Variants in SRD5A3 observed in about 807,000 individuals in gnomAD.
SRD5A3 encodes the protein steroid 5 alpha-reductase 3, also known as polyprenal reductase.
Under a neutral mutation model 34.3 loss-of-function variants are expected in SRD5A3, and 24 were observed. The observed-to-expected ratio is 0.70, with a 90% CI of 0.51 to 0.99. The LOEUF is 0.99. Among genes scored for constraint, SRD5A3 ranks in the 50% least tolerant of loss-of-function variants. The pLI, the probability that SRD5A3 is intolerant of heterozygous loss-of-function variation, is 0.00. For missense variants in SRD5A3, 350 were observed against 388.2 expected, an observed-to-expected ratio of 0.90 and a Z score of 0.83; for synonymous variants, 161 against 167.3, an observed-to-expected ratio of 0.96 and a Z score of 0.29.
At position 55,364,383 on chromosome 4, in the gene SRD5A3, A is replaced by G. The variant is rs1719798758; in HGVS notation, c.562+112A>G. 6 of 1,270,644 alleles carry G rather than the reference A, an allele frequency of 4.7e-6. No homozygotes were observed. The Middle Eastern group carries it at 1.3e-3, about 275-fold the overall frequency. The allele number at this position is 1,270,644 out of a possible 1,614,324, so 78.7% of individuals were successfully genotyped here. On this transcript the variant is annotated intron_variant, in intron 3 of 4. Transcript: ENST00000264228. Reference sequence around the variant, plus strand: ...ACATGCAGAAGTAAGAGACAGGCCCAATGCATTTTGCATTTCAGGAGATGA... The same window carrying G: ...ACATGCAGAAGTAAGAGACAGGCCCGATGCATTTTGCATTTCAGGAGATGA...
At position 55,359,350 on chromosome 4, in the gene SRD5A3, T is replaced by A. The variant is rs1719588510; in HGVS notation, c.226T>A (p.Phe76Ile). The A allele has an allele frequency of 1.2e-6, 2 of 1,614,142 alleles. No individual in the cohort carries two copies. The highest frequency in any genetic ancestry group is 8.5e-7 in the Non-Finnish European group (1 of 1,180,042). ...CRAFDVPKRYFSHFYIISVLW... is the reference protein window; with the variant it reads ...CRAFDVPKRYISHFYIISVLW... ...TCGCTTGTTTTCCTTTTGCAGATAT[T>A]TTTCCCACTTTTATATCATCTCAGT... is the stretch of plus-strand genomic sequence containing the variant. The change falls in exon 2 of 5, where the codon TTT (phenylalanine) becomes ATT (isoleucine). Residue 76 changes from phenylalanine to isoleucine, a missense_variant. Physicochemically the swap from Phe to Ile is conservative, Grantham distance 21. Coordinates refer to ENST00000264228, the MANE Select transcript of SRD5A3 (RefSeq NM_024592.5).
intron 1 of SRD5A3, among the ~76,000 whole-genome samples, chr4:55,347,942 C>T (rs1232390624): frequency 6.6e-6 from 1 of 152,148 alleles, no homozygotes; most frequent in Non-Finnish European, 1.5e-5. Flanking sequence ...AGGGTTGAAT[C>T]CTTTTATACT....
intron 1 of SRD5A3, among the ~76,000 whole-genome samples, chr4:55,355,518 G>A (rs1021404791): frequency 6.6e-6 from 1 of 151,818 alleles, no homozygotes; most frequent in Non-Finnish European, 1.5e-5. Flanking sequence ...AACAAAATGT[G>A]GGAATGAAAA....
intron 1 of SRD5A3, among the ~76,000 whole-genome samples, chr4:55,358,597 T>C (rs914015256): frequency 2.0e-5 from 3 of 149,376 alleles, no homozygotes; most frequent in African/African-American, 4.9e-5. Context: ...CCTTGTGCCA[T>C]ATTAGGTGAT....
chr4:55,369,624 G>A, intron 4 of SRD5A3: 1 of 606,956 alleles, frequency 1.6e-6, no homozygotes, highest in East Asian at 2.8e-5. Context: ...CTAGCCACTG[G>A]GCAGTTTGAG....
In SRD5A3 at chr4:55,356,738, C is replaced by A. The variant is rs554588680; in HGVS notation, c.222-2608C>A. ...TTTATTTATTTATTTGAGATGGAGT[C>A]TCGCTCTGTTGCCCAGGCTGGAGTG... On this transcript the variant is annotated intron_variant, in intron 1 of 4. Coordinates refer to ENST00000264228, the MANE Select transcript of SRD5A3 (RefSeq NM_024592.5). 5.3e-5 allele frequency among the ~76,000 whole-genome samples: 8 copies of A among 151,952 alleles called. No individual in the cohort carries two copies. The South Asian group carries it at 1.7e-3, about 32-fold the overall frequency.
chr4:55,353,881 G>C (rs1444798941), intron 1 of SRD5A3, among the ~76,000 whole-genome samples: 2 of 152,140 alleles, frequency 1.3e-5, no homozygotes, highest in Non-Finnish European at 1.5e-5. Flanking sequence ...CACTCACTGC[G>C]AGAGTCCACA....
At position 55,346,334 on chromosome 4, in the gene SRD5A3, G is replaced by T. The variant is rs1457661921; in HGVS notation, c.-3G>T. 4.7e-6 allele frequency: 7 copies of T among 1,480,294 alleles called. No homozygotes were observed. The highest frequency in any genetic ancestry group is 6.3e-6 in the Non-Finnish European group (7 of 1,117,488). The allele number at this position is 1,480,294 out of a possible 1,614,324, so 91.7% of individuals were successfully genotyped here. ...AGCAGCGCGGAAGGCGGGCACGCGG[G>T]CCATGGCTCCCTGGGCGGAGGCCGA... On this transcript the variant is annotated 5_prime_UTR_variant, in exon 1 of 5. Transcript: ENST00000264228.
intron 1 of SRD5A3, among the ~76,000 whole-genome samples, chr4:55,349,809 G>C (rs1719122459): frequency 6.6e-6 from 1 of 152,156 alleles, no homozygotes; most frequent in Admixed American, 6.5e-5. Flanking sequence ...AGGTTCAGAG[G>C]ATCTGTGGAT....
intron 1 of SRD5A3, among the ~76,000 whole-genome samples, chr4:55,351,550 G>A (rs1461513996): frequency 1.3e-5 from 2 of 151,946 alleles, no homozygotes; most frequent in African/African-American, 4.8e-5. Flanking sequence ...CTGGCCACTC[G>A]GGAGGCTGAG....
chr4:55,348,921 C>G (rs1719089639), intron 1 of SRD5A3, among the ~76,000 whole-genome samples: 1 of 152,142 alleles, frequency 6.6e-6, no homozygotes, highest in Non-Finnish European at 1.5e-5. Flanking sequence ...TGGATTTATC[C>G]CAGATGGTAG....
intron 1 of SRD5A3, among the ~76,000 whole-genome samples, chr4:55,355,735 A>C (rs868109947): frequency 6.6e-6 from 1 of 152,208 alleles, no homozygotes; most frequent in South Asian, 2.1e-4. Context: ...TTAACTTCAC[A>C]GTCAGCAGGG....
chr4:55,359,894 T>G (rs1719610985), intron 2 of SRD5A3, among the ~76,000 whole-genome samples: 1 of 152,226 alleles, frequency 6.6e-6, no homozygotes, highest in Non-Finnish European at 1.5e-5. Flanking sequence ...ACTCATGACT[T>G]AGAACTCCAG....
chr4:55,355,023 A>G (rs1297611000), intron 1 of SRD5A3, among the ~76,000 whole-genome samples: 1 of 152,244 alleles, frequency 6.6e-6, no homozygotes, highest in East Asian at 1.9e-4. Context: ...CTTGGACAAC[A>G]GTGCTACAAG....
At chr4:55,368,396 TTTTA>T (rs57202577) in intron 4 of SRD5A3, among the ~76,000 whole-genome samples, 11,068 of 142,852 alleles carry the variant, frequency 0.077, 1,342 homozygotes, top group African/African-American at 0.26. Flanking sequence ...AATTGAATAG[TTTTA>T]TTTATTTATT....
At chr4:55,367,106 C>T (rs544497275) in intron 3 of SRD5A3, 2 of 191,164 alleles carry the variant, frequency 1.0e-5, no homozygotes, top group South Asian at 1.1e-4. Context: ...TGCTTTCAGG[C>T]TCTCCCTAGC....
intron 1 of SRD5A3, 80 bp downstream of exon 1, chr4:55,346,637 G>T (rs925025342): frequency 7.4e-7 from 1 of 1,347,916 alleles, no homozygotes; most frequent in East Asian, 3.1e-5. Flanking sequence ...CAGCCAGCAG[G>T]GGGCAGCAGA....
chr4:55,352,639 GTTTAA>G (rs202059874), intron 1 of SRD5A3, among the ~76,000 whole-genome samples: 1,793 of 152,322 alleles, frequency 0.012, 13 homozygotes, highest in Middle Eastern at 0.044. Flanking sequence ...GTGGTTTGAG[GTTTAA>G]TTTGTTTGTT....
intron 1 of SRD5A3, among the ~76,000 whole-genome samples, chr4:55,354,148 G>A (rs962993424): frequency 1.3e-5 from 2 of 152,280 alleles, no homozygotes; most frequent in South Asian, 2.1e-4. Context: ...CCAGGCTGGA[G>A]TGCAGTGGCG....
Sources: gnomAD v4.1 joint callset for allele counts (sites outside exome capture counted in the v4.1 genomes callset) on GRCh38, gnomAD v4.1.1 for gene constraint, MANE v1.5 for transcripts, NCBI Gene and HGNC (gene_info 2026-07-23, HGNC 2026-07-21) for gene names.